MTHFD1L: variants seen among roughly 807,000 people sequenced by gnomAD.
The protein encoded by MTHFD1L is monofunctional C1-tetrahydrofolate synthase, mitochondrial.
Under a neutral mutation model 119.5 loss-of-function variants are expected in MTHFD1L, and 81 were observed. The ratio of observed to expected loss-of-function variants is 0.68; its 90% CI spans 0.57 to 0.82. The LOEUF (loss-of-function observed/expected upper bound fraction) is 0.82. Ranked by LOEUF, MTHFD1L falls within the 40% of genes least tolerant of loss-of-function variation. The probability of loss-of-function intolerance (pLI) is 0.00; values close to 1 mark genes in which losing one functional copy is unlikely to be tolerated. For missense variants in MTHFD1L, 1,125 were observed against 1,253.4 expected, an observed-to-expected ratio of 0.90 and a Z score of 1.55; for synonymous variants, 430 against 475.2, an observed-to-expected ratio of 0.90 and a Z score of 1.24.
intron 21 of MTHFD1L, 144 bp downstream of exon 21, chr6:151,010,102 C>G (rs1417922747): frequency 2.0e-6 from 2 of 976,160 alleles, no homozygotes; most frequent in African/African-American, 3.4e-5. Flanking sequence ...TGTAGACCTC[C>G]CTCGTGGACA....
chr6:150,877,273 G>A (rs1337930016), intron 2 of MTHFD1L, among the ~76,000 whole-genome samples: 1 of 152,044 alleles, frequency 6.6e-6, no homozygotes, highest in African/African-American at 2.4e-5. Flanking sequence ...GGCTGGTCTC[G>A]AACTCCTGGG....
rs1311725284 is a variant in MTHFD1L at position 150,960,334 on chromosome 6, C to G, written c.1863C>G (p.Ser621Arg). ...TGGCGGTGCTGGCCCTGACGGACAG[C>G]CTCGCAGACATGAAGGCACGGCTGG... ...EIMAVLALTD[S>R]LADMKARLGR... The change falls in exon 18 of 28, where the codon AGC becomes AGG. Residue 621 changes from serine to arginine, a missense_variant. By Grantham distance (110) the Ser-to-Arg change is moderately radical. This residue lies in a region of MTHFD1L where 1,058 missense variants were observed against 1,151.2 expected (regional missense o/e 0.92). Coordinates refer to ENST00000367321, the MANE Select transcript of MTHFD1L (RefSeq NM_015440.5). 1.2e-6 allele frequency: 2 copies of G among 1,613,928 alleles called. No individual in the cohort carries two copies. Among genetic ancestry groups the G allele is most frequent in the Non-Finnish European group, 1.7e-6 (2 of 1,179,980 alleles).
chr6:150,908,663 C>T (rs1786352861), intron 8 of MTHFD1L, among the ~76,000 whole-genome samples: 1 of 149,844 alleles, frequency 6.7e-6, no homozygotes. Flanking sequence ...ATGGGCTCAA[C>T]TAGGCAGTCA....
intron 11 of MTHFD1L, among the ~76,000 whole-genome samples, chr6:150,931,880 G>A (rs1791099193): frequency 6.6e-6 from 1 of 152,156 alleles, no homozygotes; most frequent in African/African-American, 2.4e-5. Context: ...ACATCATTCT[G>A]GCAGGGCATG....
At chr6:150,886,435 CAAAAAAAAAAA>C (rs996165446) in intron 6 of MTHFD1L, among the ~76,000 whole-genome samples, 3 of 69,638 alleles carry the variant, frequency 4.3e-5, no homozygotes, top group African/African-American at 1.5e-4. Context: ...GACCCTGCCT[CAAAAAAAAAAA>C]AAAAAAAAAA....
At chr6:151,060,394 G>A (rs4869975) in intron 26 of MTHFD1L, among the ~76,000 whole-genome samples, 4,898 of 152,232 alleles carry the variant, frequency 0.032, 157 homozygotes, top group Admixed American at 0.099. Flanking sequence ...GCCATTAGAA[G>A]AACAAACAAC....
intron 24 of MTHFD1L, among the ~76,000 whole-genome samples, chr6:151,019,439 A>G (rs1423050855): frequency 6.9e-6 from 1 of 145,198 alleles, no homozygotes; most frequent in African/African-American, 2.5e-5. Flanking sequence ...CTTTCCACTG[A>G]TATTTCAATT....
intron 7 of MTHFD1L, among the ~76,000 whole-genome samples, chr6:150,893,564 G>C (rs562873163): frequency 6.6e-6 from 1 of 152,290 alleles, no homozygotes; most frequent in East Asian, 1.9e-4. Flanking sequence ...ACCTGACATG[G>C]AACAAGACCC....
intron 10 of MTHFD1L, among the ~76,000 whole-genome samples, chr6:150,923,286 A>G (rs1789312607): frequency 6.6e-6 from 1 of 152,054 alleles, no homozygotes; most frequent in African/African-American, 2.4e-5. Flanking sequence ...TCATAGTCTC[A>G]GCTTGTGGTT....
intron 24 of MTHFD1L, among the ~76,000 whole-genome samples, chr6:151,025,356 A>G (rs988394407): frequency 6.6e-6 from 1 of 152,240 alleles, no homozygotes; most frequent in Non-Finnish European, 1.5e-5. Flanking sequence ...TAACAAGGGC[A>G]GAGCCGCTCC....
chr6:151,100,292 C>T (rs951991297), intron 27 of MTHFD1L, among the ~76,000 whole-genome samples: 1 of 151,950 alleles, frequency 6.6e-6, no homozygotes, highest in Non-Finnish European at 1.5e-5. Context: ...CGTGAGCCAC[C>T]GCGCCTGGCC....
intron 20 of MTHFD1L, among the ~76,000 whole-genome samples, chr6:150,998,642 G>A (rs57106670): frequency 0.23 from 33,728 of 148,004 alleles, 3,978 homozygotes; most frequent in Middle Eastern, 0.3. Context: ...GTTGCAGTCA[G>A]CATGCAGTTA....
At chr6:150,881,007 A>G (rs184305958) in intron 4 of MTHFD1L, among the ~76,000 whole-genome samples, 1 of 152,244 alleles carries the variant, frequency 6.6e-6, no homozygotes. Context: ...TCGGACGCAT[A>G]CTTTGCAAAT....
In MTHFD1L at chr6:150,960,404, G is replaced by A. The variant is rs1796264052; in HGVS notation, c.1933G>A (p.Ala645Thr). ...ASDKSGQPVT[A>T]DDLGVTGALT... Reference sequence around the variant, plus strand: ...TGACAAAAGCGGGCAGCCTGTGACAGCAGATGATTTGGTGAGTGTTTCCAA... The same window carrying A: ...TGACAAAAGCGGGCAGCCTGTGACAACAGATGATTTGGTGAGTGTTTCCAA... The change falls in exon 18 of 28, where the codon GCA (alanine) becomes ACA (threonine). Residue 645 changes from alanine (A) to threonine (T), a missense_variant. By Grantham distance (58) the Ala-to-Thr change is moderately conservative (BLOSUM62 0). This residue lies in a region of MTHFD1L where 1,058 missense variants were observed against 1,151.2 expected (regional missense o/e 0.92). Transcript: ENST00000367321. 2 of 1,609,632 alleles carry A rather than the reference G, an allele frequency of 1.2e-6. No individual in the cohort carries two copies. Among genetic ancestry groups the A allele is most frequent in the Non-Finnish European group, 1.7e-6 (2 of 1,177,742 alleles).
At chr6:151,044,281 C>T (rs1449462659) in intron 26 of MTHFD1L, among the ~76,000 whole-genome samples, 1 of 151,516 alleles carries the variant, frequency 6.6e-6, no homozygotes, top group African/African-American at 2.4e-5. Flanking sequence ...CAGGAGGCAC[C>T]GCATGGGTAC....
chr6:150,936,850 G>A lies in MTHFD1L; in HGVS notation c.1303G>A (p.Gly435Arg), dbSNP rs772504344. 4.3e-6 allele frequency: 7 copies of A among 1,613,872 alleles called. No individual in the cohort carries two copies. Among genetic ancestry groups the A allele is most frequent in the African/African-American group, 2.7e-5 (2 of 74,856 alleles). ...LGEGKSTVTI[G>R]LVQALTAHLN... The stretch of plus-strand genomic sequence containing the variant: ...AGAAGGGAAGAGCACAGTCACCATC[G>A]GGCTTGTGCAGGCTCTGACCGCACA... The change falls in exon 12 of 28, where the codon GGG becomes AGG. Residue 435 changes from glycine to arginine, a missense_variant. Physicochemically the swap from Gly to Arg is moderately radical, Grantham distance 125. Coordinates refer to ENST00000367321, the MANE Select transcript of MTHFD1L (RefSeq NM_015440.5).
At chr6:151,073,198 C>T (rs1232655104) in intron 26 of MTHFD1L, among the ~76,000 whole-genome samples, 4 of 152,186 alleles carry the variant, frequency 2.6e-5, no homozygotes, top group African/African-American at 9.7e-5. Flanking sequence ...GAGGAGAGAA[C>T]TGCATAGAGA....
At chr6:150,917,709 C>A (rs575974206) in intron 8 of MTHFD1L, among the ~76,000 whole-genome samples, 6 of 152,106 alleles carry the variant, frequency 3.9e-5, no homozygotes, top group Non-Finnish European at 5.9e-5. Flanking sequence ...ATTTCATTTT[C>A]ACAAAATTTT....
Position 150,988,673 on chromosome 6 carries a change from C to T in MTHFD1L, c.2125+16615C>T, listed in dbSNP as rs564947286. Among the ~76,000 whole-genome samples, 428 of 152,256 alleles carry T rather than the reference C, an allele frequency of 2.8e-3. 2 individuals are homozygous for T. Among genetic ancestry groups the T allele is most frequent in the Non-Finnish European group, 4.5e-3 (303 of 68,008 alleles). On this transcript the variant is annotated intron_variant, in intron 20 of 27. Transcript: ENST00000367321. Reference sequence around the variant, plus strand: ...CCAGGCTGGAGTGCAATGATGTAATCTCGGCTCACCACAACCTCCTCCTCC... The same window carrying T: ...CCAGGCTGGAGTGCAATGATGTAATTTCGGCTCACCACAACCTCCTCCTCC...
Sources: gnomAD v4.1 joint callset for allele counts (sites outside exome capture counted in the v4.1 genomes callset) on GRCh38, gnomAD v4.1.1 for gene constraint, gnomAD v4.1.1 regional missense constraint, MANE v1.5 for transcripts, NCBI Gene and HGNC (gene_info 2026-07-23, HGNC 2026-07-21) for gene names.